Variants in PRR3 observed in about 807,000 individuals in gnomAD.
PRR3 encodes the protein proline rich 3.
Under a neutral mutation model 22.4 loss-of-function variants are expected in PRR3, and 16 were observed. The observed-to-expected ratio is 0.71, with a 90% CI of 0.48 to 1.09. The LOEUF is 1.09. PRR3 is among the 50% of genes least tolerant of loss of function. The pLI is 0.00. For missense variants in PRR3, 224 were observed against 243.4 expected (o/e 0.92, Z 0.53); for synonymous variants, 87 against 88.6 (o/e 0.98, Z 0.10).
At chr6:30,559,415 C>T (rs1800479064) in intron 2 of PRR3, among the ~76,000 whole-genome samples, 1 of 151,924 alleles carries the variant, frequency 6.6e-6, no homozygotes, top group Non-Finnish European at 1.5e-5. Flanking sequence ...CCAAATAATA[C>T]CATTAAGAAA....
chr6:30,561,855 G>A lies in PRR3; in HGVS notation c.191G>A (p.Gly64Glu). The change falls in exon 3 of 4, where the codon GGA becomes GAA. Residue 64 changes from glycine to glutamate, a missense_variant. Transcript: ENST00000376560. The surrounding 1 kb of genome is among the most constrained non-coding windows in gnomAD (Gnocchi z 4.0). ...PKSALHRGPPGSRGPLIPPLL... is the reference protein window; with the variant it reads ...PKSALHRGPPESRGPLIPPLL... ...CCAGCTCTTCACAGAGGTCCTCCAG[G>A]ATCAAGGGGACCACTGATTCCACCA... 6.4e-7 allele frequency: 1 copy of A among 1,569,712 alleles called. No individual in the cohort carries two copies. Among genetic ancestry groups the A allele is most frequent in the South Asian group, 1.2e-5 (1 of 86,004 alleles).
chr6:30,561,565 G>C lies in PRR3; in HGVS notation c.170-269G>C. On this transcript the variant is annotated intron_variant, in intron 2 of 3. Transcript: ENST00000376560. This position sits in a 1 kb window ranked among gnomAD's most constrained non-coding sequence, Gnocchi z 4.0. ...AGGCAAAAACTAACCTATGGTGTCA[G>C]GATAGTGGTTACCTTTGGGGAGGAG... The C allele has an allele frequency of 1.6e-6, 1 of 606,680 alleles. No homozygotes were observed. The highest frequency in any genetic ancestry group is 2.9e-6 in the Non-Finnish European group (1 of 340,274). 37.6% of individuals were successfully genotyped at this position (606,680 alleles called of 1,614,324 possible).
In PRR3 at chr6:30,563,404, A is replaced by G. The variant is rs377388910; in HGVS notation, c.*909A>G. 6.6e-6 allele frequency: 1 copy of G among 152,612 alleles called. No homozygotes were observed. The highest frequency in any genetic ancestry group is 2.4e-5 in the African/African-American group (1 of 41,424). The allele number at this position is 152,612 out of a possible 1,614,324, so 9.5% of individuals were successfully genotyped here. A position where few individuals can be genotyped will look rare whatever the true frequency, so the allele number is the denominator to read the frequency against. On this transcript the variant is annotated 3_prime_UTR_variant, in exon 4 of 4. Transcript: ENST00000376560. ...CCTTCCAGCCCATTTTAATTAGACTATGTCATTGTGAGGCCACCAGTCCAT... is the reference window on the plus strand; with the variant it reads ...CCTTCCAGCCCATTTTAATTAGACTGTGTCATTGTGAGGCCACCAGTCCAT...
At chr6:30,556,983 T>C, upstream of PRR3, 6 of 644,360 alleles carry the variant, frequency 9.3e-6, no homozygotes, top group South Asian at 6.9e-5. The surrounding 1 kb of genome is among the most constrained non-coding windows in gnomAD (Gnocchi z 5.7). Flanking sequence ...TGTGGCGATC[T>C]TACGGTGCGA....
intron 2 of PRR3, chr6:30,560,365 C>CA (rs1562728040): frequency 6.6e-6 from 1 of 150,708 alleles, no homozygotes; most frequent in East Asian, 2.0e-4. Flanking sequence ...ATTGTCAAAA[C>CA]AAAAAATAAA....
At chr6:30,560,771 A>C (rs1291803230) in intron 2 of PRR3, 1 of 152,804 alleles carries the variant, frequency 6.5e-6, no homozygotes, top group Non-Finnish European at 1.5e-5. Flanking sequence ...CGACAGAGCG[A>C]GACTCCATCT....
In PRR3 at chr6:30,561,219, T is replaced by C; in HGVS notation, c.170-615T>C. On this transcript the variant is annotated intron_variant, in intron 2 of 3. Transcript: ENST00000376560. This position sits in a 1 kb window ranked among gnomAD's most constrained non-coding sequence, Gnocchi z 4.0. ...TTATGTATGAAACTTGAGCATAACA[T>C]ATACTTTATAAGCCAGTAATACCTC... 1 of 367,266 alleles carries C rather than the reference T, an allele frequency of 2.7e-6. No homozygotes were observed. Among genetic ancestry groups the C allele is most frequent in the Non-Finnish European group, 5.3e-6 (1 of 188,674 alleles). 22.8% of individuals were successfully genotyped at this position (367,266 alleles called of 1,614,324 possible).
In PRR3 at chr6:30,561,461, C is replaced by T. The variant is rs1423440494; in HGVS notation, c.170-373C>T. On this transcript the variant is annotated intron_variant, in intron 2 of 3. Coordinates refer to ENST00000376560, the MANE Select transcript of PRR3 (RefSeq NM_025263.4). The surrounding 1 kb of genome is among the most constrained non-coding windows in gnomAD (Gnocchi z 4.0). ...CTACAGGCAACCTGGATGAATCTCACAAACATGATGTTGAGCGAAAGGAGC... is the reference window on the plus strand; with the variant it reads ...CTACAGGCAACCTGGATGAATCTCATAAACATGATGTTGAGCGAAAGGAGC... 1 of 508,224 alleles carries T rather than the reference C, an allele frequency of 2.0e-6. No homozygotes were observed. 31.5% of individuals were successfully genotyped at this position (508,224 alleles called of 1,614,324 possible).
chr6:30,560,882 A>G (rs148870239), intron 2 of PRR3: 1,827 of 157,174 alleles, frequency 0.012, 16 homozygotes, highest in Non-Finnish European at 0.02. Flanking sequence ...GGTAATTTTT[A>G]TGTGTTTTTT....
chr6:30,557,498 G>A, intron 1 of PRR3, 48 bp downstream of exon 1: 2 of 1,381,240 alleles, frequency 1.4e-6, no homozygotes, highest in East Asian at 2.4e-5. Context: ...GCCCGTCCGG[G>A]CAAGGGGCTA....
rs1357584477 is a variant in PRR3, at chr6:30,563,694, AAATG to A, written c.*1200_*1203del. 6.6e-6 allele frequency: 1 copy of A among 150,834 alleles called. No homozygotes were observed. Among genetic ancestry groups the A allele is most frequent in the African/African-American group, 2.4e-5 (1 of 40,918 alleles). The allele number at this position is 150,834 out of a possible 1,614,324, so 9.3% of individuals were successfully genotyped here. A position where few individuals can be genotyped will look rare whatever the true frequency, so the allele number is the denominator to read the frequency against. On this transcript the variant is annotated 3_prime_UTR_variant, in exon 4 of 4. Coordinates refer to ENST00000376560, the MANE Select transcript of PRR3 (RefSeq NM_025263.4). Reference sequence around the variant, plus strand: ...TTTTAACTTTTTTTATATTAGTAATAAATGCAGTGGAAACCAGCATTTTATTTAA... The same window carrying A: ...TTTTAACTTTTTTTATATTAGTAATACAGTGGAAACCAGCATTTTATTTAA...
chr6:30,560,970 A>G, intron 2 of PRR3: 1 of 175,432 alleles, frequency 5.7e-6, no homozygotes, highest in Non-Finnish European at 1.2e-5. Context: ...CCAAGGTGGG[A>G]GGATCACTTG....
chr6:30,561,725 T>G lies in PRR3; in HGVS notation c.170-109T>G. The G allele has an allele frequency of 1.0e-6, 1 of 974,234 alleles. No homozygotes were observed. The highest frequency in any genetic ancestry group is 1.5e-6 in the Non-Finnish European group (1 of 677,208). 60.3% of individuals were successfully genotyped at this position (974,234 alleles called of 1,614,324 possible). On this transcript the variant is annotated intron_variant, in intron 2 of 3. Coordinates refer to ENST00000376560, the MANE Select transcript of PRR3 (RefSeq NM_025263.4). This position sits in a 1 kb window ranked among gnomAD's most constrained non-coding sequence, Gnocchi z 4.0. ...GGGTTGTGCACTTAAAACTGGTGTG[T>G]CTTTATGTATGCTGTTCTTCAATAA... is the stretch of plus-strand genomic sequence containing the variant.
chr6:30,559,215 A>G (rs1320788357), intron 2 of PRR3, among the ~76,000 whole-genome samples: 1 of 152,182 alleles, frequency 6.6e-6, no homozygotes, highest in Non-Finnish European at 1.5e-5. Context: ...TGTCTCTACT[A>G]AAAATACAAA....
At position 30,557,322 on chromosome 6, in the gene PRR3, C is replaced by T. The variant is rs1264138373; in HGVS notation, c.-23C>T. Reference sequence around the variant, plus strand: ...CTTCCTCACTACCCTCCAAATCCCGCTGCAGCCATTGCCGCAGACACGATG... The same window carrying T: ...CTTCCTCACTACCCTCCAAATCCCGTTGCAGCCATTGCCGCAGACACGATG... On this transcript the variant is annotated 5_prime_UTR_variant, in exon 1 of 4. Transcript: ENST00000376560. The T allele has an allele frequency of 5.0e-6, 8 of 1,596,756 alleles. No homozygotes were observed. The highest frequency in any genetic ancestry group is 6.9e-6 in the Non-Finnish European group (8 of 1,167,732).
rs1031784543 is a variant in PRR3, at chr6:30,562,573, G to A, written c.*78G>A. ...TTTATTTCTCTGTAGCCCTATGATGGCTACTGTGAGGCTCTTCTAACACCC... is the reference window on the plus strand; with the variant it reads ...TTTATTTCTCTGTAGCCCTATGATGACTACTGTGAGGCTCTTCTAACACCC... On this transcript the variant is annotated 3_prime_UTR_variant, in exon 4 of 4. Coordinates refer to ENST00000376560, the MANE Select transcript of PRR3 (RefSeq NM_025263.4). 1.3e-5 allele frequency: 12 copies of A among 890,384 alleles called. No individual in the cohort carries two copies. The highest frequency in any genetic ancestry group is 2.2e-5 in the Non-Finnish European group (12 of 540,554). 55.2% of individuals were successfully genotyped at this position (890,384 alleles called of 1,614,324 possible).
At position 30,557,295 on chromosome 6, in the gene PRR3, C is replaced by T; in HGVS notation, c.-50C>T. 1.4e-6 allele frequency: 2 copies of T among 1,428,194 alleles called. No homozygotes were observed. Among genetic ancestry groups the T allele is most frequent in the Non-Finnish European group, 2.0e-6 (2 of 1,023,554 alleles). 88.5% of individuals were successfully genotyped at this position (1,428,194 alleles called of 1,614,324 possible). On this transcript the variant is annotated 5_prime_UTR_variant, in exon 1 of 4. Coordinates refer to ENST00000376560, the MANE Select transcript of PRR3 (RefSeq NM_025263.4). ...AAGCGGAAACAGAATCCCCGCGTGCCCCTTCCTCACTACCCTCCAAATCCC... is the reference window on the plus strand; with the variant it reads ...AAGCGGAAACAGAATCCCCGCGTGCTCCTTCCTCACTACCCTCCAAATCCC...
At chr6:30,557,751 G>T (rs1215954993) in intron 1 of PRR3, among the ~76,000 whole-genome samples, 1 of 152,236 alleles carries the variant, frequency 6.6e-6, no homozygotes, top group Non-Finnish European at 1.5e-5. Flanking sequence ...TGCAGATTGC[G>T]ATGACTGGGA....
chr6:30,557,188 TGCGGCCGCC>T (rs1800291812), upstream of PRR3: 1 of 719,194 alleles, frequency 1.4e-6, no homozygotes, highest in Non-Finnish European at 2.5e-6. Flanking sequence ...GGCTCCGGAA[TGCGGCCGCC>T]GCAGATGTTC....
Sources: gnomAD v4.1 joint callset for allele counts (sites outside exome capture counted in the v4.1 genomes callset) on GRCh38, gnomAD v4.1.1 for gene constraint, Gnocchi (gnomAD v3.1) non-coding constraint, MANE v1.5 for transcripts, NCBI Gene and HGNC (gene_info 2026-07-23, HGNC 2026-07-21) for gene names.